NAV2: variants seen among roughly 807,000 people sequenced by gnomAD.
NAV2 encodes neuron navigator 2.
NAV2 carries 54 observed loss-of-function variants against 223.2 expected under a neutral mutation model. The ratio of observed to expected loss-of-function variants is 0.24; its 90% confidence interval spans 0.19 to 0.30. The LOEUF is 0.30. Ranked by LOEUF, NAV2 falls within the 10% of genes least tolerant of loss-of-function variation. The pLI, the probability that NAV2 is intolerant of heterozygous loss-of-function variation, is 1.00. For missense variants in NAV2, 2,806 were observed against 3,147.5 expected, an observed-to-expected ratio of 0.89 and a Z score of 2.60; for synonymous variants, 1,279 against 1,239.3, an observed-to-expected ratio of 1.03 and a Z score of -0.67.
At chr11:19,594,452 G>A (rs1320290725) in intron 1 of NAV2, among the ~76,000 whole-genome samples, 2 of 151,416 alleles carry the variant, frequency 1.3e-5, no homozygotes, top group African/African-American at 2.4e-5. Context: ...TTTAAAGAAG[G>A]GATTTCTCCT....
chr11:19,517,408 T>C (rs1313788499), intron 1 of NAV2, among the ~76,000 whole-genome samples: 2 of 152,214 alleles, frequency 1.3e-5, no homozygotes, highest in African/African-American at 2.4e-5. Context: ...TAAATGAGAA[T>C]AATGACACCT....
chr11:19,905,245 G>C (rs1294891962), intron 6 of NAV2, among the ~76,000 whole-genome samples: 1 of 152,108 alleles, frequency 6.6e-6, no homozygotes, highest in Non-Finnish European at 1.5e-5. Context: ...TCTTGAACTT[G>C]CCAAGTTCAT....
chr11:19,444,599 T>C (rs964762236), intron 1 of NAV2, among the ~76,000 whole-genome samples: 3 of 151,742 alleles, frequency 2.0e-5, no homozygotes, highest in African/African-American at 7.3e-5. Context: ...ATCATTGAAC[T>C]CTGTATGAAC....
chr11:19,679,000 C>A (rs1420615701), intron 1 of NAV2, among the ~76,000 whole-genome samples: 1 of 152,148 alleles, frequency 6.6e-6, no homozygotes. Context: ...AGAAAGATTT[C>A]CTATGTTGTT....
intron 1 of NAV2, among the ~76,000 whole-genome samples, chr11:19,366,049 T>C (rs560896853): frequency 6.6e-6 from 1 of 152,306 alleles, no homozygotes; most frequent in African/African-American, 2.4e-5. Flanking sequence ...GAATGGGGAA[T>C]TCTTGTGGGA....
Position 19,566,030 on chromosome 11 carries a change from A to ATATTTTATTTTATTT in NAV2, c.75+215003_75+215004insTATTTTATTTTATTT, listed in dbSNP as rs1252750763. On this transcript the variant is annotated intron_variant, in intron 1 of 37. Coordinates refer to the NAV2 transcript ENST00000360655. ...CTGCAGCATGAAGAGCTATCCAAGG[A>ATATTTTATTTTATTT]GATTTTATTTTATTTTATTTTATTT... Among the ~76,000 whole-genome samples the ATATTTTATTTTATTT allele has an allele frequency of 2.2e-3, 209 of 95,888 alleles. 1 individual carries two copies. The highest frequency in any genetic ancestry group is 7.7e-3 in the African/African-American group (196 of 25,478). 62.9% of individuals were successfully genotyped at this position (95,888 alleles called of 152,430 possible). A position where few individuals can be genotyped will look rare whatever the true frequency, so the allele number is the denominator to read the frequency against.
intron 1 of NAV2, among the ~76,000 whole-genome samples, chr11:19,416,870 T>A (rs376231348): frequency 1.3e-5 from 2 of 152,152 alleles, no homozygotes; most frequent in Non-Finnish European, 2.9e-5. Context: ...TAATAAATGG[T>A]GTTGGGAAAA....
chr11:19,441,386 C>T (rs933419708), intron 1 of NAV2, among the ~76,000 whole-genome samples: 8 of 151,844 alleles, frequency 5.3e-5, no homozygotes, highest in Non-Finnish European at 7.4e-5. Context: ...ACATTGGCTG[C>T]TGTGAGGAGA....
At chr11:19,527,044 C>G (rs1248350044) in intron 1 of NAV2, among the ~76,000 whole-genome samples, 1 of 152,028 alleles carries the variant, frequency 6.6e-6, no homozygotes, top group African/African-American at 2.4e-5. Context: ...CCTCCCACCC[C>G]CACCATCTCT....
intron 24 of NAV2, among the ~76,000 whole-genome samples, chr11:20,079,003 G>A (rs1377048921): frequency 6.6e-6 from 1 of 152,068 alleles, no homozygotes; most frequent in Non-Finnish European, 1.5e-5. Context: ...TTTCCTGCTT[G>A]TACTGATGAG....
intron 1 of NAV2, among the ~76,000 whole-genome samples, chr11:19,618,508 GGA>G (rs2046880675): frequency 6.6e-6 from 1 of 151,162 alleles, no homozygotes; most frequent in Non-Finnish European, 1.5e-5. Flanking sequence ...ATGGATGGAT[GGA>G]TGGATGGATG....
At chr11:19,380,001 A>G (rs1848781414) in intron 1 of NAV2, among the ~76,000 whole-genome samples, 1 of 151,792 alleles carries the variant, frequency 6.6e-6, no homozygotes, top group African/African-American at 2.4e-5. Flanking sequence ...TAATTAATAT[A>G]ATTTATTATA....
At chr11:19,477,858 C>G (rs541760735) in intron 1 of NAV2, among the ~76,000 whole-genome samples, 2 of 152,204 alleles carry the variant, frequency 1.3e-5, no homozygotes, top group South Asian at 4.1e-4. Flanking sequence ...AAGTGGGGAG[C>G]CAGAACTTAA....
At chr11:19,514,514 G>A (rs2043380603) in intron 1 of NAV2, among the ~76,000 whole-genome samples, 1 of 152,172 alleles carries the variant, frequency 6.6e-6, no homozygotes, top group Non-Finnish European at 1.5e-5. Context: ...AATGACCAGA[G>A]TACACTTTCT....
chr11:19,754,385 G>C (rs1048167050), intron 1 of NAV2, among the ~76,000 whole-genome samples: 1 of 152,320 alleles, frequency 6.6e-6, no homozygotes, highest in South Asian at 2.1e-4. Flanking sequence ...GTGGGTAAAG[G>C]CTTCGTGCAG....
Position 19,712,915 on chromosome 11 carries a change from C to G in NAV2, c.-781C>G, listed in dbSNP as rs2049975017. 6.6e-6 allele frequency among the ~76,000 whole-genome samples: 1 copy of G among 151,364 alleles called. No homozygotes were observed. Among genetic ancestry groups the G allele is most frequent in the African/African-American group, 2.4e-5 (1 of 41,354 alleles). ...CGGCCGCTCCCGAGCGCAGCCCTGC[C>G]CGGCCCGCCAGCCGCGCGTCCCGGC... On this transcript the variant is annotated 5_prime_UTR_variant, in exon 1 of 38. Coordinates refer to ENST00000349880, the MANE Select transcript of NAV2 (RefSeq NM_145117.5).
chr11:19,914,726 A>G (rs1276803682), intron 6 of NAV2, among the ~76,000 whole-genome samples: 1 of 151,682 alleles, frequency 6.6e-6, no homozygotes, highest in Non-Finnish European at 1.5e-5. Context: ...TTGTATTTTT[A>G]GTAGAGACGG....
At chr11:19,514,018 T>G (rs2043361817) in intron 1 of NAV2, among the ~76,000 whole-genome samples, 1 of 152,236 alleles carries the variant, frequency 6.6e-6, no homozygotes, top group Non-Finnish European at 1.5e-5. Context: ...AATAAATGTC[T>G]GTTCCTTTAA....
At chr11:19,642,720 G>C (rs187681480) in intron 1 of NAV2, among the ~76,000 whole-genome samples, 3 of 152,110 alleles carry the variant, frequency 2.0e-5, no homozygotes, top group East Asian at 1.9e-4. Flanking sequence ...CAAGCAGGAG[G>C]GGGGCTGGAT....
Sources: allele counts gnomAD v4.1 joint callset (sites outside exome capture counted in the v4.1 genomes callset), GRCh38; gene constraint gnomAD v4.1.1; transcripts MANE v1.5; gene names NCBI Gene and HGNC (gene_info 2026-07-23, HGNC 2026-07-21).